ACAP2: variants seen among roughly 807,000 people sequenced by gnomAD.
The protein encoded by ACAP2 is ArfGAP with coiled-coil, ankyrin repeat and PH domains 2.
A neutral mutation model predicts 115.8 loss-of-function variants in ACAP2; 39 were observed. That is an observed-to-expected ratio of 0.34 (90% CI 0.26 to 0.44). ACAP2 has a LOEUF of 0.44. ACAP2 is among the 20% of genes least tolerant of loss of function. The pLI is 1.00. For synonymous variants in ACAP2, 289 were observed against 315.8 expected (o/e 0.92, Z 0.90); for missense variants, 662 against 927.6 (o/e 0.71, Z 3.72).
intron 4 of ACAP2, among the ~76,000 whole-genome samples, chr3:195,370,390 C>A (rs541665331): frequency 9.7e-4 from 148 of 152,230 alleles, no homozygotes; most frequent in African/African-American, 3.4e-3. Context: ...ACACTCGAGT[C>A]TTTAATCCAT....
At chr3:195,306,799 G>A in intron 12 of ACAP2, 183 bp from the exon 13 acceptor site, 1 of 432,144 alleles carries the variant, frequency 2.3e-6, no homozygotes, top group Non-Finnish European at 4.0e-6. Context: ...AGAAATTAAG[G>A]TGCCAATGAA....
intron 7 of ACAP2, among the ~76,000 whole-genome samples, chr3:195,334,841 A>C (rs370749241): frequency 6.6e-6 from 1 of 152,182 alleles, no homozygotes; most frequent in Non-Finnish European, 1.5e-5. Flanking sequence ...TTATAAATAA[A>C]TCTATCCTAA....
At chr3:195,411,102 C>T (rs960424127) in intron 1 of ACAP2, 4 of 209,320 alleles carry the variant, frequency 1.9e-5, no homozygotes, top group Non-Finnish European at 4.1e-5. Flanking sequence ...ATCTCACACC[C>T]ATTAGGATGG....
chr3:195,394,895 G>A (rs1222684502), intron 1 of ACAP2, among the ~76,000 whole-genome samples: 1 of 150,918 alleles, frequency 6.6e-6, no homozygotes, highest in African/African-American at 2.4e-5. Context: ...TCCTGCCTGG[G>A]CCACAGGGCA....
At chr3:195,409,915 GA>G (rs1277420899) in intron 1 of ACAP2, among the ~76,000 whole-genome samples, 1 of 94,024 alleles carries the variant, frequency 1.1e-5, no homozygotes, top group Non-Finnish European at 2.2e-5. Context: ...AACAGAAATA[GA>G]AAAACCTATC....
Position 195,309,454 on chromosome 3 carries a change from G to A in ACAP2, c.858-617C>T, listed in dbSNP as rs1728619780. Among the ~76,000 whole-genome samples the A allele has an allele frequency of 2.0e-5, 3 of 151,632 alleles. No individual in the cohort carries two copies. In the South Asian group the frequency reaches 6.2e-4, roughly 31 times the overall value. ...CCAGCTACTCAGGAGGCTGAGGCAG[G>A]AGAACCACTTGAACCCGGGAGGCAG... On this transcript the variant is annotated intron_variant, in intron 10 of 22. Transcript: ENST00000326793.
intron 9 of ACAP2, among the ~76,000 whole-genome samples, chr3:195,324,449 C>CA (rs1390718162): frequency 6.6e-6 from 1 of 152,052 alleles, no homozygotes; most frequent in Non-Finnish European, 1.5e-5. Flanking sequence ...ACACCACACA[C>CA]AAAAACCCAA....
intron 8 of ACAP2, among the ~76,000 whole-genome samples, chr3:195,329,007 G>A (rs1170470122): frequency 1.3e-4 from 20 of 151,244 alleles, no homozygotes; most frequent in Non-Finnish European, 2.9e-5. Context: ...GTGAACCCGG[G>A]AGGCGGAGCT....
chr3:195,300,744 T>C (rs1442340373), intron 15 of ACAP2, among the ~76,000 whole-genome samples: 1 of 152,080 alleles, frequency 6.6e-6, no homozygotes, highest in Non-Finnish European at 1.5e-5. Context: ...GGGCCAAGGG[T>C]AGTGGCTCAC....
At chr3:195,384,187 G>C (rs1363208937) in intron 2 of ACAP2, among the ~76,000 whole-genome samples, 2 of 152,042 alleles carry the variant, frequency 1.3e-5, no homozygotes, top group Admixed American at 1.3e-4. Flanking sequence ...ATTCACTGCG[G>C]TAACAGTAAA....
chr3:195,284,693 G>A (rs9810077), intron 22 of ACAP2, among the ~76,000 whole-genome samples: 73,089 of 152,034 alleles, frequency 0.48, 18,979 homozygotes, highest in Middle Eastern at 0.7. Context: ...TATTTAAACA[G>A]GAAGAAGAGA....
At position 195,305,914 on chromosome 3, in the gene ACAP2, G is replaced by A. The variant is rs370251053; in HGVS notation, c.1116+597C>T. Among the ~76,000 whole-genome samples the A allele has an allele frequency of 4.9e-4, 75 of 152,076 alleles. 1 individual carries two copies. In the South Asian group the frequency reaches 0.014, roughly 29 times the overall value. Reference sequence around the variant, plus strand: ...GGTAAGTTTTGGAATACAATTTAGAGAGCAGTCGATCCCCCTAACCATACT... The same window carrying A: ...GGTAAGTTTTGGAATACAATTTAGAAAGCAGTCGATCCCCCTAACCATACT... On this transcript the variant is annotated intron_variant, in intron 13 of 22. Transcript: ENST00000326793.
intron 1 of ACAP2, among the ~76,000 whole-genome samples, chr3:195,414,148 C>T (rs1027420223): frequency 6.6e-6 from 1 of 152,138 alleles, no homozygotes; most frequent in African/African-American, 2.4e-5. Flanking sequence ...AAATCTAGAA[C>T]ATGGACAACA....
intron 4 of ACAP2, among the ~76,000 whole-genome samples, chr3:195,368,197 T>G (rs760082329): frequency 2.0e-5 from 3 of 152,248 alleles, no homozygotes; most frequent in Non-Finnish European, 4.4e-5. Context: ...TCACCCAGAC[T>G]GGAGCGCAGT....
At chr3:195,299,777 G>A (rs1387413647) in intron 15 of ACAP2, among the ~76,000 whole-genome samples, 1 of 152,120 alleles carries the variant, frequency 6.6e-6, no homozygotes, top group East Asian at 1.9e-4. Context: ...GGTGGAGCTT[G>A]CAGTGAGTCA....
Position 195,276,806 on chromosome 3 carries a change from C to T in ACAP2, c.*2522G>A, listed in dbSNP as rs982822112. 2.6e-5 allele frequency: 4 copies of T among 152,158 alleles called. No homozygotes were observed. Among genetic ancestry groups the T allele is most frequent in the Admixed American group, 6.5e-5 (1 of 15,274 alleles). The allele number at this position is 152,158 out of a possible 1,614,324, so 9.4% of individuals were successfully genotyped here. A position where few individuals can be genotyped will look rare whatever the true frequency, so the allele number is the denominator to read the frequency against. ...TGTAACTATTAATTTAATTTAAAGC[C>T]TTGCTGTTTACTCCATCATTTCTGC... On this transcript the variant is annotated 3_prime_UTR_variant, in exon 23 of 23. Coordinates refer to ENST00000326793, the MANE Select transcript of ACAP2 (RefSeq NM_012287.6).
intron 4 of ACAP2, among the ~76,000 whole-genome samples, chr3:195,376,218 AC>A (rs1220029063): frequency 3.3e-5 from 5 of 151,954 alleles, no homozygotes; most frequent in African/African-American, 1.2e-4. Flanking sequence ...ACATGGTGAA[AC>A]CCCATCTCTA....
At chr3:195,312,745 C>T (rs1216663908) in intron 10 of ACAP2, among the ~76,000 whole-genome samples, 2 of 152,066 alleles carry the variant, frequency 1.3e-5, no homozygotes, top group African/African-American at 4.8e-5. Context: ...CAGATTAAAA[C>T]AAATTGAGGA....
intron 10 of ACAP2, among the ~76,000 whole-genome samples, chr3:195,319,492 C>T (rs1277838305): frequency 1.3e-5 from 2 of 152,194 alleles, no homozygotes; most frequent in Non-Finnish European, 2.9e-5. Context: ...GGTGGAGTTG[C>T]CTAAGGCCAT....
Sources: allele counts gnomAD v4.1 joint callset (sites outside exome capture counted in the v4.1 genomes callset), GRCh38; gene constraint gnomAD v4.1.1; transcripts MANE v1.5; gene names NCBI Gene and HGNC (gene_info 2026-07-23, HGNC 2026-07-21).